Variants in RAB3GAP2 observed in about 807,000 individuals in gnomAD.
RAB3GAP2 encodes the protein RAB3 GTPase activating non-catalytic protein subunit 2, also known as rab3 GTPase-activating protein non-catalytic subunit.
A neutral mutation model predicts 185.3 loss-of-function variants in RAB3GAP2; 87 were observed. The observed-to-expected ratio is 0.47, with a 90% CI of 0.39 to 0.56. The LOEUF (loss-of-function observed/expected upper bound fraction) is 0.56. Ranked by LOEUF, RAB3GAP2 falls within the 20% of genes least tolerant of loss-of-function variation. RAB3GAP2 has a pLI of 0.00. For missense variants in RAB3GAP2, 1,492 were observed against 1,638.2 expected (o/e 0.91, Z 1.54); for synonymous variants, 554 against 576.1 (o/e 0.96, Z 0.55).
chr1:220,151,450 A>G (rs911322777), intron 34 of RAB3GAP2, 44 bp from the exon 35 acceptor site: 2 of 1,610,534 alleles, frequency 1.2e-6, no homozygotes, highest in Non-Finnish European at 1.7e-6. Flanking sequence ...ACAACTAAAC[A>G]ATAATTGTTA....
intron 31 of RAB3GAP2, among the ~76,000 whole-genome samples, chr1:220,156,250 C>T (rs922634768): frequency 2.0e-5 from 3 of 152,118 alleles, no homozygotes; most frequent in African/African-American, 7.2e-5. Context: ...CATGACTGTC[C>T]GGGAGTCTCT....
chr1:220,237,173 T>C (rs943252010), intron 1 of RAB3GAP2, among the ~76,000 whole-genome samples: 2 of 152,184 alleles, frequency 1.3e-5, no homozygotes, highest in African/African-American at 4.8e-5. Context: ...CCAACTTCTT[T>C]AGGACAGTCT....
In RAB3GAP2 at chr1:220,228,316, G is replaced by A. The variant is rs1659439703; in HGVS notation, c.180+4483C>T. On this transcript the variant is annotated intron_variant, in intron 2 of 34. Transcript: ENST00000358951. The stretch of plus-strand genomic sequence containing the variant: ...AAATTTATTCTAATTCTTGCCTCTG[G>A]AGCTGGTTATAGTTCTGGAGTTGTT... Among the ~76,000 whole-genome samples, 5 of 152,128 alleles carry A rather than the reference G, an allele frequency of 3.3e-5. No individual in the cohort carries two copies. In the South Asian group the frequency reaches 1.0e-3, roughly 32 times the overall value.
chr1:220,212,814 G>A, intron 4 of RAB3GAP2, 73 bp downstream of exon 4: 3 of 1,249,448 alleles, frequency 2.4e-6, no homozygotes. Context: ...CTTTTTAATA[G>A]ATTCACCTAC....
rs1657687193 is a variant in RAB3GAP2 at position 220,148,976 on chromosome 1, C to T, written c.*2275G>A. 1 of 152,128 alleles carries T rather than the reference C, an allele frequency of 6.6e-6. No individual in the cohort carries two copies. Among genetic ancestry groups the T allele is most frequent in the African/African-American group, 2.4e-5 (1 of 41,426 alleles). The allele number at this position is 152,128 out of a possible 1,614,324, so 9.4% of individuals were successfully genotyped here. The stretch of plus-strand genomic sequence containing the variant: ...AAGTTGTGTGAGGGTGGGCATATAT[C>T]TAGGAAAACACTACTGGTTACTGGC... On this transcript the variant is annotated 3_prime_UTR_variant, in exon 35 of 35. Transcript: ENST00000358951.
At chr1:220,169,969 CAT>C (rs1658143654) in intron 24 of RAB3GAP2, among the ~76,000 whole-genome samples, 1 of 152,156 alleles carries the variant, frequency 6.6e-6, no homozygotes, top group Non-Finnish European at 1.5e-5. Context: ...CACATGCACA[CAT>C]ATGTTTACTG....
At chr1:220,153,504 C>A in intron 32 of RAB3GAP2, 98 bp from the exon 33 acceptor site, 2 of 1,105,300 alleles carry the variant, frequency 1.8e-6, no homozygotes, top group South Asian at 2.6e-5. Context: ...CTTATAGTGG[C>A]TTTTCCATTA....
Position 220,149,739 on chromosome 1 carries a change from A to ATCTT in RAB3GAP2, c.*1508_*1511dup, listed in dbSNP as rs1657710172. ...GGCCCCCATCCCAAATACTCAAGACATCTTAACCATTTATCTTGTAAGATT... is the reference window on the plus strand; with the variant it reads ...GGCCCCCATCCCAAATACTCAAGACATCTTTCTTAACCATTTATCTTGTAAGATT... On this transcript the variant is annotated 3_prime_UTR_variant, in exon 35 of 35. Coordinates refer to ENST00000358951, the MANE Select transcript of RAB3GAP2 (RefSeq NM_012414.4). 1 of 152,216 alleles carries ATCTT rather than the reference A, an allele frequency of 6.6e-6. No individual in the cohort carries two copies. The highest frequency in any genetic ancestry group is 2.1e-4 in the South Asian group (1 of 4,832). 9.4% of individuals were successfully genotyped at this position (152,216 alleles called of 1,614,324 possible).
chr1:220,213,729 A>AT, intron 3 of RAB3GAP2, 127 bp downstream of exon 3: 1 of 637,312 alleles, frequency 1.6e-6, no homozygotes, highest in Non-Finnish European at 2.3e-6. Context: ...GCGGAGGAGG[A>AT]GTTGGGGGGG....
chr1:220,237,786 T>C (rs573144247), intron 1 of RAB3GAP2, among the ~76,000 whole-genome samples: 2 of 152,274 alleles, frequency 1.3e-5, no homozygotes, highest in East Asian at 1.9e-4. Flanking sequence ...GTTGGACTGT[T>C]CATTCACTGG....
chr1:220,193,667 A>G (rs746333417), intron 12 of RAB3GAP2, among the ~76,000 whole-genome samples: 14 of 152,342 alleles, frequency 9.2e-5, no homozygotes, highest in Non-Finnish European at 1.5e-4. Flanking sequence ...CATGTCACAG[A>G]AAACAATGTC....
chr1:220,228,919 G>A (rs1452291292), intron 2 of RAB3GAP2, among the ~76,000 whole-genome samples: 3 of 152,158 alleles, frequency 2.0e-5, no homozygotes, highest in Non-Finnish European at 4.4e-5. Flanking sequence ...ATGAAGAAAT[G>A]TTCTACATGT....
intron 27 of RAB3GAP2, among the ~76,000 whole-genome samples, chr1:220,164,492 T>A (rs1280732448): frequency 7.5e-6 from 1 of 133,458 alleles, no homozygotes; most frequent in Admixed American, 7.8e-5. Context: ...TTTTTTTTTT[T>A]AGAGACAGGG....
chr1:220,189,959 A>G, intron 16 of RAB3GAP2, 105 bp downstream of exon 16: 1 of 1,122,018 alleles, frequency 8.9e-7, no homozygotes, highest in Non-Finnish European at 1.3e-6. Flanking sequence ...AGCAATTCCA[A>G]TAAGCTCATC....
chr1:220,210,831 A>T lies in RAB3GAP2; in HGVS notation c.480T>A (p.Phe160Leu). 1 of 1,613,762 alleles carries T rather than the reference A, an allele frequency of 6.2e-7. No individual in the cohort carries two copies. Among genetic ancestry groups the T allele is most frequent in the Non-Finnish European group, 8.5e-7 (1 of 1,179,792 alleles). ...RPDWTCIVVG[F>L]TSGYVRFYTE... ...TGTAGAAGCGTACATAACCTGAAGT[A>T]AAACCCACCACAATGCAGGTCCAGT... Residue 160 changes from phenylalanine to leucine, a missense_variant, in exon 6 of 35, where the codon TTT becomes TTA. Physicochemically the swap from Phe to Leu is conservative, Grantham distance 22. Around this residue, in one of 5 missense-constraint regions of RAB3GAP2, gnomAD observed 243 missense variants for 314.8 expected, o/e 0.77. Coordinates refer to ENST00000358951, the MANE Select transcript of RAB3GAP2 (RefSeq NM_012414.4).
chr1:220,233,987 C>T (rs1215192092), intron 1 of RAB3GAP2, among the ~76,000 whole-genome samples: 1 of 152,236 alleles, frequency 6.6e-6, no homozygotes, highest in African/African-American at 2.4e-5. Context: ...AGGCGTGGAT[C>T]ACCACGCCCG....
chr1:220,255,799 A>T lies in RAB3GAP2; in HGVS notation c.115+16424T>A, dbSNP rs551423498. Among the ~76,000 whole-genome samples the T allele has an allele frequency of 3.9e-5, 6 of 152,324 alleles. No homozygotes were observed. The East Asian group carries it at 1.2e-3, about 29-fold the overall frequency. ...GAGATCACATAAAGAGACCAAATCT[A>T]TGACTGATTGGGGTACCTGAAAGAG... is the stretch of plus-strand genomic sequence containing the variant. On this transcript the variant is annotated intron_variant, in intron 1 of 34. Transcript: ENST00000358951.
Position 220,195,110 on chromosome 1 carries a change from C to T in RAB3GAP2, c.1098G>A (p.Pro366=), listed in dbSNP as rs377619904. Residue 366 remains proline (P), a synonymous_variant, in exon 12 of 35, where the codon CCG becomes CCA. Transcript: ENST00000358951. The part of the protein sequence containing the change: ...HEEEAVQKQK[P]KVEPATPLAV... ...CTAATGGGGTAGCTGGCTCAACCTT[C>T]GGCTTTTGCTTTTGGACAGCTTCTT... 5.6e-6 allele frequency: 9 copies of T among 1,614,130 alleles called. No individual in the cohort carries two copies. The highest frequency in any genetic ancestry group is 3.3e-5 in the Admixed American group (2 of 60,022).
chr1:220,266,528 A>G (rs1660229301), intron 1 of RAB3GAP2: 2 of 641,602 alleles, frequency 3.1e-6, no homozygotes, highest in Non-Finnish European at 5.6e-6. Flanking sequence ...TGTCATGTTT[A>G]TTGATGTGGA....
Sources: gnomAD v4.1 joint callset for allele counts (sites outside exome capture counted in the v4.1 genomes callset) on GRCh38, gnomAD v4.1.1 for gene constraint, gnomAD v4.1.1 regional missense constraint, MANE v1.5 for transcripts, NCBI Gene and HGNC (gene_info 2026-07-23, HGNC 2026-07-21) for gene names.